PTPRT: variants seen among roughly 807,000 people sequenced by gnomAD.
The protein encoded by PTPRT is receptor-type tyrosine-protein phosphatase T.
Under a neutral mutation model 176.8 loss-of-function variants are expected in PTPRT, and 56 were observed. The ratio of observed to expected loss-of-function variants is 0.32; its 90% CI spans 0.26 to 0.40. The LOEUF is 0.40. Among genes scored for constraint, PTPRT ranks in the 10% least tolerant of loss-of-function variants. The pLI, the probability that PTPRT is intolerant of heterozygous loss-of-function variation, is 1.00. For synonymous variants in PTPRT, 783 were observed against 739.0 expected (o/e 1.06, Z -0.96); for missense variants, 1,540 against 1,908.2 (o/e 0.81, Z 3.60).
intron 1 of PTPRT, among the ~76,000 whole-genome samples, chr20:43,016,552 C>CT (rs11482189): frequency 0.023 from 1,749 of 76,246 alleles, 327 homozygotes; most frequent in East Asian, 0.038. Flanking sequence ...TCTAAGGCCA[C>CT]TTTTTTTTTT....
rs534073329 is a variant in PTPRT at position 42,882,203 on chromosome 20, A to G, written c.214+3604T>C. ...AAGATTTCAGCCTATGCCCATAAGA[A>G]GAACAAACAGTTTTGCCTAATCCAA... On this transcript the variant is annotated intron_variant, in intron 2 of 30. Transcript: ENST00000373187. 5.6e-4 allele frequency among the ~76,000 whole-genome samples: 86 copies of G among 152,354 alleles called. 1 individual carries two copies. Among genetic ancestry groups the G allele is most frequent in the African/African-American group, 2.0e-3 (84 of 41,582 alleles).
At chr20:42,143,670 T>G (rs1371229830) in intron 17 of PTPRT, among the ~76,000 whole-genome samples, 2 of 151,968 alleles carry the variant, frequency 1.3e-5, no homozygotes, top group African/African-American at 4.8e-5. Flanking sequence ...GGATGTTCAG[T>G]TGAATGTTGT....
At position 42,197,490 on chromosome 20, in the gene PTPRT, C is replaced by T. The variant is rs552851011; in HGVS notation, c.2491+1750G>A. 1.1e-4 allele frequency among the ~76,000 whole-genome samples: 16 copies of T among 149,574 alleles called. No homozygotes were observed. The South Asian group carries it at 1.3e-3, about 12-fold the overall frequency. The stretch of plus-strand genomic sequence containing the variant: ...AGCTGAAAACCAAATACAATGTGAG[C>T]GCTCTGATTGGATCCTGGATTAAAA... On this transcript the variant is annotated intron_variant, in intron 16 of 30. Coordinates refer to ENST00000373187, the MANE Select transcript of PTPRT (RefSeq NM_007050.6).
rs889247750 is a variant in PTPRT at position 42,073,356 on chromosome 20, C to G, written c.*7523G>C. The G allele has an allele frequency of 5.2e-6, 1 of 190,544 alleles. No individual in the cohort carries two copies. Among genetic ancestry groups the G allele is most frequent in the Non-Finnish European group, 1.1e-5 (1 of 90,640 alleles). 11.8% of individuals were successfully genotyped at this position (190,544 alleles called of 1,614,324 possible). A position where few individuals can be genotyped will look rare whatever the true frequency, so the allele number is the denominator to read the frequency against. ...TTTACATGGGCTAGCTCAGGATCCACCTGGTGATGAAATGTGTGCACTGGA... is the reference window on the plus strand; with the variant it reads ...TTTACATGGGCTAGCTCAGGATCCAGCTGGTGATGAAATGTGTGCACTGGA... On this transcript the variant is annotated 3_prime_UTR_variant, in exon 31 of 31. Transcript: ENST00000373187.
chr20:42,395,615 T>C (rs949567825), intron 9 of PTPRT, among the ~76,000 whole-genome samples: 8 of 152,192 alleles, frequency 5.3e-5, no homozygotes, highest in Non-Finnish European at 7.3e-5. Flanking sequence ...CTGCTCTCCC[T>C]TGGGCCTGTG....
At chr20:42,553,145 A>T (rs2072798593) in intron 7 of PTPRT, among the ~76,000 whole-genome samples, 1 of 152,180 alleles carries the variant, frequency 6.6e-6, no homozygotes, top group Non-Finnish European at 1.5e-5. Flanking sequence ...GCTCTCTGAA[A>T]TGGTATAATA....
At chr20:42,664,400 G>C (rs1019606842) in intron 7 of PTPRT, among the ~76,000 whole-genome samples, 1 of 152,126 alleles carries the variant, frequency 6.6e-6, no homozygotes, top group Non-Finnish European at 1.5e-5. Flanking sequence ...AGTAAAATGT[G>C]TAAACCATGA....
At chr20:42,530,409 A>T (rs1202594515) in intron 7 of PTPRT, among the ~76,000 whole-genome samples, 1 of 147,880 alleles carries the variant, frequency 6.8e-6, no homozygotes, top group Non-Finnish European at 1.5e-5. Context: ...GGTGGCAGAG[A>T]CAGACACAGA....
At chr20:42,986,490 T>G (rs2146097374) in intron 1 of PTPRT, among the ~76,000 whole-genome samples, 1 of 152,302 alleles carries the variant, frequency 6.6e-6, no homozygotes, top group South Asian at 2.1e-4. Flanking sequence ...GGAATCCAAC[T>G]CCAGCATTCC....
In PTPRT at chr20:42,085,872, T is replaced by G. The variant is rs1983840837; in HGVS notation, c.3847-19A>C. ...TACAGAACTGAGATAAGGAAAGAGG[T>G]CACAGAAGGAGCTCAAAGGCAGGGG... On this transcript the variant is annotated intron_variant, in intron 27 of 30. Coordinates refer to ENST00000373187, the MANE Select transcript of PTPRT (RefSeq NM_007050.6). 1 of 1,601,476 alleles carries G rather than the reference T, an allele frequency of 6.2e-7. No individual in the cohort carries two copies.
At chr20:42,265,594 C>T (rs1036218272) in intron 13 of PTPRT, among the ~76,000 whole-genome samples, 17 of 152,146 alleles carry the variant, frequency 1.1e-4, no homozygotes, top group African/African-American at 3.4e-4. Flanking sequence ...TGCCTGTCTT[C>T]GCCTCTCTCC....
At chr20:43,094,709 T>G (rs944175415) in intron 1 of PTPRT, among the ~76,000 whole-genome samples, 1 of 152,180 alleles carries the variant, frequency 6.6e-6, no homozygotes, top group African/African-American at 2.4e-5. Context: ...TTCTCTTTAT[T>G]TATCACCTTA....
intron 1 of PTPRT, among the ~76,000 whole-genome samples, chr20:42,976,112 T>C (rs1469150221): frequency 1.3e-5 from 2 of 152,178 alleles, no homozygotes; most frequent in Non-Finnish European, 2.9e-5. Context: ...CAGTCTCCTG[T>C]CAACATCTGG....
At chr20:42,577,284 C>A (rs927097350) in intron 7 of PTPRT, among the ~76,000 whole-genome samples, 2 of 152,178 alleles carry the variant, frequency 1.3e-5, no homozygotes, top group African/African-American at 4.8e-5. Flanking sequence ...TTCACTCCCC[C>A]AAAATGGCCA....
chr20:42,899,604 T>C (rs2079366060), intron 1 of PTPRT, among the ~76,000 whole-genome samples: 1 of 152,242 alleles, frequency 6.6e-6, no homozygotes, highest in Non-Finnish European at 1.5e-5. Flanking sequence ...GTTTATTTAC[T>C]CATTTACTTA....
At chr20:42,756,925 T>G (rs922113651) in intron 5 of PTPRT, among the ~76,000 whole-genome samples, 2 of 151,832 alleles carry the variant, frequency 1.3e-5, no homozygotes, top group Non-Finnish European at 2.9e-5. Context: ...GTGGCACTCA[T>G]CTTCAGTCCC....
chr20:42,393,437 G>A (rs1286623878), intron 9 of PTPRT, among the ~76,000 whole-genome samples: 2 of 152,076 alleles, frequency 1.3e-5, no homozygotes, highest in African/African-American at 2.4e-5. Flanking sequence ...AACCAACCAC[G>A]AAGGAATACA....
chr20:43,164,575 T>C (rs1046909202), intron 1 of PTPRT, among the ~76,000 whole-genome samples: 9 of 152,160 alleles, frequency 5.9e-5, no homozygotes, highest in South Asian at 2.1e-4. Flanking sequence ...GTGTTGACTA[T>C]ACGAGAAGAG....
intron 7 of PTPRT, among the ~76,000 whole-genome samples, chr20:42,648,392 G>A (rs1307038201): frequency 6.6e-6 from 1 of 152,094 alleles, no homozygotes; most frequent in Non-Finnish European, 1.5e-5. Context: ...GCCATCACAG[G>A]AACACAGTTG....
Sources: gnomAD v4.1 joint callset for allele counts (sites outside exome capture counted in the v4.1 genomes callset) on GRCh38, gnomAD v4.1.1 for gene constraint, MANE v1.5 for transcripts, NCBI Gene and HGNC (gene_info 2026-07-23, HGNC 2026-07-21) for gene names.